CFAP58: variants seen among roughly 807,000 people sequenced by gnomAD.
The protein encoded by CFAP58 is cilia and flagella associated protein 58, also known as cilia- and flagella-associated protein 58.
In CFAP58, 88 loss-of-function variants were observed where a neutral mutation model predicts 119.5. That is an observed-to-expected ratio of 0.74 (90% CI 0.62 to 0.88). CFAP58 has a LOEUF of 0.88. Ranked by LOEUF, CFAP58 falls within the 40% of genes least tolerant of loss-of-function variation. CFAP58 has a pLI of 0.00. For missense variants in CFAP58, 990 were observed against 1,021.2 expected, an observed-to-expected ratio of 0.97 and a Z score of 0.42; for synonymous variants, 365 against 366.3, an observed-to-expected ratio of 1.00 and a Z score of 0.04.
chr10:104,376,663 G>T, intron 7 of CFAP58, 148 bp from the exon 8 acceptor site: 1 of 581,940 alleles, frequency 1.7e-6, no homozygotes, highest in Non-Finnish European at 3.0e-6. Context: ...ACCTCACTTG[G>T]TTATACCAAA....
chr10:104,403,275 T>A (rs923231715), intron 13 of CFAP58, among the ~76,000 whole-genome samples: 6 of 152,196 alleles, frequency 3.9e-5, no homozygotes, highest in African/African-American at 9.6e-5. Flanking sequence ...CCTGCCACGA[T>A]GTAAGATGTT....
chr10:104,383,753 A>AACAC (rs59181888), intron 9 of CFAP58, among the ~76,000 whole-genome samples: 3,223 of 145,906 alleles, frequency 0.022, 82 homozygotes, highest in African/African-American at 0.062. Flanking sequence ...TTTACTGTCC[A>AACAC]ACACACACAC....
chr10:104,396,407 AG>A (rs2012158713), intron 11 of CFAP58, among the ~76,000 whole-genome samples: 1 of 128,168 alleles, frequency 7.8e-6, no homozygotes, highest in Admixed American at 7.4e-5. Flanking sequence ...AGAGAGAGAG[AG>A]AGAGAGAGAG....
At chr10:104,452,332 A>T (rs1012270486) in intron 17 of CFAP58, among the ~76,000 whole-genome samples, 1 of 152,198 alleles carries the variant, frequency 6.6e-6, no homozygotes, top group East Asian at 1.9e-4. Flanking sequence ...TCTTCTTTCT[A>T]CCCACAATGG....
intron 2 of CFAP58, among the ~76,000 whole-genome samples, chr10:104,360,906 T>C (rs2014657936): frequency 6.6e-6 from 1 of 152,214 alleles, no homozygotes; most frequent in Non-Finnish European, 1.5e-5. Flanking sequence ...TTCCATGTCT[T>C]TGCTATTGTC....
upstream of CFAP58, among the ~76,000 whole-genome samples, chr10:104,349,772 A>C (rs2014438577): frequency 6.6e-6 from 1 of 152,224 alleles, no homozygotes; most frequent in Non-Finnish European, 1.5e-5. Flanking sequence ...CAATGCTGGA[A>C]AAGGTAGTCT....
chr10:104,360,859 C>T (rs534296238), intron 2 of CFAP58, among the ~76,000 whole-genome samples: 1 of 152,236 alleles, frequency 6.6e-6, no homozygotes, highest in East Asian at 1.9e-4. Context: ...TATATGTACT[C>T]TTTATCCAGT....
chr10:104,391,393 C>T (rs1385850207), intron 9 of CFAP58, among the ~76,000 whole-genome samples: 2 of 152,114 alleles, frequency 1.3e-5, no homozygotes, highest in African/African-American at 4.8e-5. Context: ...AGAAACACAG[C>T]GAAACTTTCT....
intron 16 of CFAP58, 127 bp downstream of exon 16, chr10:104,447,944 C>A: frequency 8.4e-7 from 1 of 1,193,842 alleles, no homozygotes; most frequent in Non-Finnish European, 1.2e-6. Flanking sequence ...GAGGTCAGCT[C>A]CCTTAGAGCT....
intron 9 of CFAP58, 139 bp from the exon 10 acceptor site, chr10:104,392,094 C>T: frequency 1.5e-6 from 1 of 683,554 alleles, no homozygotes. Context: ...TGTTGTACTG[C>T]AGTGATTATA....
At chr10:104,340,925 G>A in the CFAP58 span, among the ~76,000 whole-genome samples, 1 of 152,226 alleles carries the variant, frequency 6.6e-6, no homozygotes, top group East Asian at 1.9e-4. Context: ...ATTGGCTCAG[G>A]GTCGCGGGAA....
At chr10:104,382,116 T>C (rs2011823539) in intron 9 of CFAP58, 1 of 717,324 alleles carries the variant, frequency 1.4e-6, no homozygotes, top group Admixed American at 2.0e-5. Flanking sequence ...TTTTGTCCTC[T>C]TCTTTCCAGG....
intron 15 of CFAP58, among the ~76,000 whole-genome samples, chr10:104,439,976 G>A (rs1013036357): frequency 6.6e-6 from 1 of 152,010 alleles, no homozygotes; most frequent in African/African-American, 2.4e-5. Flanking sequence ...CCCGCCACCA[G>A]GCCCGGCTAA....
intron 15 of CFAP58, among the ~76,000 whole-genome samples, chr10:104,438,356 TTTTTG>T (rs1564904813): frequency 4.7e-5 from 4 of 84,748 alleles, no homozygotes; most frequent in African/African-American, 1.6e-4. Context: ...TTGTTTTTTT[TTTTTG>T]TTTTTTTTTT....
the CFAP58 span, among the ~76,000 whole-genome samples, chr10:104,339,655 A>G: frequency 6.6e-6 from 1 of 152,206 alleles, no homozygotes; most frequent in Non-Finnish European, 1.5e-5. Context: ...CTGAAAGATA[A>G]ACAGGCAATG....
chr10:104,355,589 A>G (rs1032508365), intron 1 of CFAP58, among the ~76,000 whole-genome samples: 1 of 151,966 alleles, frequency 6.6e-6, no homozygotes, highest in Non-Finnish European at 1.5e-5. Context: ...CCTTCTCCCC[A>G]CTAATTGATA....
At chr10:104,382,078 G>A in intron 9 of CFAP58, 1 of 717,304 alleles carries the variant, frequency 1.4e-6, no homozygotes. Flanking sequence ...CATATAACTG[G>A]CCTTTGCAGG....
At chr10:104,421,339 G>A (rs948318197) in intron 15 of CFAP58, among the ~76,000 whole-genome samples, 5 of 152,114 alleles carry the variant, frequency 3.3e-5, no homozygotes, top group Non-Finnish European at 7.3e-5. Flanking sequence ...TGGAAAAGGA[G>A]GCATTGCTCA....
At chr10:104,386,030 G>T (rs2011914112) in intron 9 of CFAP58, among the ~76,000 whole-genome samples, 1 of 150,434 alleles carries the variant, frequency 6.6e-6, no homozygotes, top group African/African-American at 2.4e-5. Flanking sequence ...GGGTGATAAG[G>T]ATACAAATTG....
Sources: allele counts gnomAD v4.1 joint callset (sites outside exome capture counted in the v4.1 genomes callset), GRCh38; gene constraint gnomAD v4.1.1; transcripts MANE v1.5; gene names NCBI Gene and HGNC (gene_info 2026-07-23, HGNC 2026-07-21).